The following METTL21A variants were observed in gnomAD, a reference collection of about 807,000 sequenced individuals.
METTL21A encodes protein N-lysine methyltransferase METTL21A.
Under a neutral mutation model 20.9 loss-of-function variants are expected in METTL21A, and 22 were observed. The observed-to-expected ratio is 1.05, with a 90% CI of 0.75 to 1.50. The LOEUF is 1.50. Ranked by LOEUF, METTL21A falls within the 40% of genes most tolerant of loss-of-function variation. The pLI is 0.00. For missense variants in METTL21A, 271 were observed against 266.8 expected (o/e 1.02, Z -0.11); for synonymous variants, 93 against 102.0 (o/e 0.91, Z 0.53).
chr2:207,607,506 T>C (rs1334323403), downstream of METTL21A, among the ~76,000 whole-genome samples: 3 of 151,312 alleles, frequency 2.0e-5, no homozygotes, highest in South Asian at 6.3e-4. Flanking sequence ...AATAATGTTA[T>C]TCTGCCCTGA....
intron 3 of METTL21A, among the ~76,000 whole-genome samples, chr2:207,592,685 C>T (rs2085293093): frequency 6.6e-6 from 1 of 151,994 alleles, no homozygotes; most frequent in African/African-American, 2.4e-5. Flanking sequence ...CTTTGGGAGA[C>T]CAAGGCAGGC....
chr2:207,622,363 GT>G (rs2090601221), intron 2 of METTL21A, among the ~76,000 whole-genome samples: 1 of 151,958 alleles, frequency 6.6e-6, no homozygotes, highest in Non-Finnish European at 1.5e-5. Context: ...TAGAGATGGG[GT>G]TTTGCCATGT....
Position 207,624,449 on chromosome 2 carries a change from C to A in METTL21A, c.-29-45G>T, listed in dbSNP as rs191711528. 2.8e-5 allele frequency: 42 copies of A among 1,505,664 alleles called. No individual in the cohort carries two copies. The Middle Eastern group carries it at 2.5e-3, about 91-fold the overall frequency. 93.3% of individuals were successfully genotyped at this position (1,505,664 alleles called of 1,614,324 possible). A position where few individuals can be genotyped will look rare whatever the true frequency, so the allele number is the denominator to read the frequency against. On this transcript the variant is annotated intron_variant, in intron 1 of 3. Coordinates refer to ENST00000406927, the Ensembl canonical transcript of METTL21A. ...TGGGTGACGCTCTGGCCAAAAGATA[C>A]ATTATCTGTTCTTAACTAACTCCAA... is the stretch of plus-strand genomic sequence containing the variant.
chr2:207,607,332 G>A (rs1158442683), downstream of METTL21A, among the ~76,000 whole-genome samples: 2 of 151,906 alleles, frequency 1.3e-5, no homozygotes, highest in Non-Finnish European at 2.9e-5. Context: ...GCTGCAGTGT[G>A]CCAAGATCAC....
intron 3 of METTL21A, among the ~76,000 whole-genome samples, chr2:207,618,963 C>A (rs1036481318): frequency 1.3e-5 from 2 of 152,032 alleles, no homozygotes; most frequent in Non-Finnish European, 2.9e-5. Context: ...AGCTTTGTGA[C>A]CTCAGGCAAG....
In METTL21A at chr2:207,587,968, AATG is replaced by A. The variant is rs1354969022; in HGVS notation, c.260-5811_260-5809del. Reference sequence around the variant, plus strand: ...ATTTTGAATGTTCACAACCCAACAAAATGATAAGTTTGAGGTGATGGATATGCT... The same window carrying A: ...ATTTTGAATGTTCACAACCCAACAAAATAAGTTTGAGGTGATGGATATGCT... On this transcript the variant is annotated intron_variant, in intron 3 of 3. Transcript: ENST00000425132. Among the ~76,000 whole-genome samples the A allele has an allele frequency of 4.6e-5, 7 of 152,230 alleles. No individual in the cohort carries two copies. In the South Asian group the frequency reaches 8.3e-4, roughly 18 times the overall value.
Position 207,587,328 on chromosome 2 carries a change from G to C in METTL21A, c.260-5168C>G, listed in dbSNP as rs536205093. 1.0e-3 allele frequency among the ~76,000 whole-genome samples: 158 copies of C among 151,370 alleles called. 2 individuals are homozygous for C. The highest frequency in any genetic ancestry group is 3.7e-3 in the African/African-American group (154 of 41,212). On this transcript the variant is annotated intron_variant, in intron 3 of 3. Transcript: ENST00000425132. ...GAATGGCGTGAACCCGGAAGGCAGA[G>C]CTTGCAGTGAGCCGAGATCGCACCA...
At chr2:207,605,642 C>T (rs930054136), downstream of METTL21A, among the ~76,000 whole-genome samples, 4 of 152,148 alleles carry the variant, frequency 2.6e-5, no homozygotes, top group Non-Finnish European at 2.9e-5. Flanking sequence ...CCTCCCTCTC[C>T]CTTTTTTTAC....
upstream of METTL21A, chr2:207,625,762 G>GT (rs1160663284): frequency 2.6e-5 from 4 of 152,364 alleles, no homozygotes; most frequent in Non-Finnish European, 4.4e-5. Flanking sequence ...CGTTGTGCCT[G>GT]TTTTTTAAAG....
chr2:207,603,852 T>G (rs1420416160), intron 3 of METTL21A, among the ~76,000 whole-genome samples: 1 of 152,172 alleles, frequency 6.6e-6, no homozygotes, highest in Non-Finnish European at 1.5e-5. Flanking sequence ...GCTGTAAGAA[T>G]AAAAAAGTTA....
downstream of METTL21A, among the ~76,000 whole-genome samples, chr2:207,605,705 C>T (rs185635288): frequency 3.9e-5 from 6 of 152,258 alleles, no homozygotes; most frequent in East Asian, 5.8e-4. Flanking sequence ...TGTACAGATA[C>T]AGTTTAACCA....
At chr2:207,618,022 G>T (rs902770635) in intron 3 of METTL21A, among the ~76,000 whole-genome samples, 8 of 152,180 alleles carry the variant, frequency 5.3e-5, no homozygotes, top group Non-Finnish European at 7.3e-5. Flanking sequence ...GAAATAGCCA[G>T]GTATAGATAT....
chr2:207,589,958 T>G (rs947011475), intron 3 of METTL21A, among the ~76,000 whole-genome samples: 1 of 152,144 alleles, frequency 6.6e-6, no homozygotes, highest in Non-Finnish European at 1.5e-5. Context: ...ATAAATGAGG[T>G]GGAAGTCTTC....
At chr2:207,605,018 T>C (rs2087853386), downstream of METTL21A, among the ~76,000 whole-genome samples, 1 of 152,236 alleles carries the variant, frequency 6.6e-6, no homozygotes, top group Admixed American at 6.5e-5. Flanking sequence ...CTAATGTTCA[T>C]AGTGCTGTTA....
intron 3 of METTL21A, among the ~76,000 whole-genome samples, chr2:207,616,881 C>T (rs1184064520): frequency 2.0e-5 from 3 of 152,136 alleles, no homozygotes; most frequent in African/African-American, 7.2e-5. Context: ...AGCAGCATTT[C>T]CTTCAGCCCC....
chr2:207,598,793 A>G (rs998223915), intron 3 of METTL21A: 1 of 169,584 alleles, frequency 5.9e-6, no homozygotes, highest in Non-Finnish European at 1.3e-5. Flanking sequence ...GGTTGCAGTG[A>G]GCCGAGATAG....
At chr2:207,601,161 G>A (rs943811444) in intron 3 of METTL21A, 1 of 185,300 alleles carries the variant, frequency 5.4e-6, no homozygotes, top group South Asian at 2.0e-4. Flanking sequence ...GAAAGCTGTT[G>A]GTATATTTTT....
chr2:207,594,398 C>T (rs1320891545), intron 3 of METTL21A, among the ~76,000 whole-genome samples: 2 of 152,132 alleles, frequency 1.3e-5, no homozygotes, highest in Admixed American at 1.3e-4. Context: ...TTCCCCCAGC[C>T]CCTGGCAGCC....
chr2:207,590,655 G>A (rs1296002917), intron 3 of METTL21A, among the ~76,000 whole-genome samples: 1 of 151,866 alleles, frequency 6.6e-6, no homozygotes, highest in African/African-American at 2.4e-5. Flanking sequence ...TTTGTAAAGG[G>A]CCAGATAGTA....
Sources: allele counts gnomAD v4.1 joint callset (sites outside exome capture counted in the v4.1 genomes callset), GRCh38; gene constraint gnomAD v4.1.1; transcripts MANE v1.5; gene names NCBI Gene and HGNC (gene_info 2026-07-23, HGNC 2026-07-21).